The following SMYD3 variants were observed in gnomAD, a reference collection of about 807,000 sequenced individuals.
SMYD3 encodes the protein SET and MYND domain containing 3, also known as histone-lysine N-methyltransferase SMYD3.
Under a neutral mutation model 57.7 loss-of-function variants are expected in SMYD3, and 36 were observed. The ratio of observed to expected loss-of-function variants is 0.62; its 90% CI spans 0.48 to 0.82. SMYD3 has a LOEUF of 0.82. SMYD3 is among the 40% of genes least tolerant of loss of function. SMYD3 has a pLI of 0.00. For synonymous variants in SMYD3, 211 were observed against 195.0 expected, an observed-to-expected ratio of 1.08 and a Z score of -0.68; for missense variants, 515 against 538.8, an observed-to-expected ratio of 0.96 and a Z score of 0.44.
At chr1:246,489,698 T>C (rs2068240131) in intron 1 of SMYD3, among the ~76,000 whole-genome samples, 4 of 152,208 alleles carry the variant, frequency 2.6e-5, no homozygotes, top group African/African-American at 7.2e-5. Context: ...AAGGCCAATA[T>C]TGAAAGTTAT....
chr1:245,832,739 G>C (rs1242551358), intron 10 of SMYD3, among the ~76,000 whole-genome samples: 1 of 152,044 alleles, frequency 6.6e-6, no homozygotes, highest in East Asian at 1.9e-4. Context: ...TATGATCTTG[G>C]TCTCCTTTGT....
chr1:245,917,918 G>A (rs1383377742), intron 7 of SMYD3, among the ~76,000 whole-genome samples: 1 of 152,168 alleles, frequency 6.6e-6, no homozygotes, highest in East Asian at 1.9e-4. Flanking sequence ...AGCATCTCAT[G>A]TCTACAAAGC....
chr1:245,844,059 C>T (rs1248721833), intron 10 of SMYD3, among the ~76,000 whole-genome samples: 1 of 152,126 alleles, frequency 6.6e-6, no homozygotes, highest in Non-Finnish European at 1.5e-5. Context: ...ATGTGTCTTT[C>T]CTCAATTCCA....
Position 246,217,677 on chromosome 1 carries a change from T to C in SMYD3, c.531+109524A>G, listed in dbSNP as rs567261285. ...TTAAGATGTTTAAAGGAATAAGAGA[T>C]TGAAAATATGAGGAAGGATAAAGAA... On this transcript the variant is annotated intron_variant, in intron 5 of 11. Transcript: ENST00000490107. Among the ~76,000 whole-genome samples, 57 of 152,116 alleles carry C rather than the reference T, an allele frequency of 3.7e-4. 1 individual carries two copies. Among genetic ancestry groups the C allele is most frequent in the African/African-American group, 1.3e-3 (52 of 41,468 alleles).
intron 1 of SMYD3, among the ~76,000 whole-genome samples, chr1:246,427,848 T>C (rs115644615): frequency 0.045 from 6,904 of 152,210 alleles, 212 homozygotes; most frequent in Middle Eastern, 0.17. Context: ...AGTGAGATCT[T>C]GTCTCAAGAG....
intron 5 of SMYD3, chr1:246,108,511 T>C (rs994822352): frequency 2.0e-5 from 3 of 152,202 alleles, no homozygotes; most frequent in Non-Finnish European, 4.4e-5. Flanking sequence ...ACTATTTAAA[T>C]ATCATACAAA....
At chr1:245,992,452 A>T (rs1256295554) in intron 5 of SMYD3, among the ~76,000 whole-genome samples, 1 of 152,272 alleles carries the variant, frequency 6.6e-6, no homozygotes, top group Non-Finnish European at 1.5e-5. Flanking sequence ...AAACATTTCA[A>T]CAAAGGAGCC....
chr1:245,816,993 C>T (rs983059525), intron 10 of SMYD3, among the ~76,000 whole-genome samples: 1 of 151,576 alleles, frequency 6.6e-6, no homozygotes, highest in Non-Finnish European at 1.5e-5. Context: ...ATTGCCCAGG[C>T]TTGCTTAGGT....
chr1:246,371,692 T>C (rs964562037), intron 1 of SMYD3, among the ~76,000 whole-genome samples: 3 of 152,244 alleles, frequency 2.0e-5, no homozygotes, highest in Non-Finnish European at 4.4e-5. Context: ...TGGCAACAGA[T>C]GCCCACCTTG....
intron 8 of SMYD3, among the ~76,000 whole-genome samples, chr1:245,877,097 C>T (rs1318356885): frequency 2.6e-5 from 4 of 152,306 alleles, no homozygotes; most frequent in South Asian, 2.1e-4. Flanking sequence ...GGGGAGGCCA[C>T]GCTGTTGGGT....
intron 9 of SMYD3, among the ~76,000 whole-genome samples, chr1:245,860,244 A>T (rs1344897365): frequency 6.6e-6 from 1 of 151,886 alleles, no homozygotes; most frequent in Non-Finnish European, 1.5e-5. Flanking sequence ...CCCAATTCAA[A>T]ACCCTCTTCA....
At chr1:245,909,179 G>A (rs1034651667) in intron 8 of SMYD3, among the ~76,000 whole-genome samples, 1 of 152,040 alleles carries the variant, frequency 6.6e-6, no homozygotes, top group African/African-American at 2.4e-5. Flanking sequence ...AGCAACAACT[G>A]TATGCCAATA....
intron 5 of SMYD3, among the ~76,000 whole-genome samples, chr1:245,933,526 CATTGAGCCTCTGTATTTTATA>C (rs2056840825): frequency 6.6e-6 from 1 of 152,084 alleles, no homozygotes; most frequent in Admixed American, 6.5e-5. Context: ...AGTGAGTTGT[CATTGAGCCTCTGTATTTTATA>C]AAAACAACTA....
chr1:246,149,284 C>T (rs1469129110), intron 5 of SMYD3, among the ~76,000 whole-genome samples: 1 of 152,296 alleles, frequency 6.6e-6, no homozygotes, highest in East Asian at 1.9e-4. Context: ...GTCTGAGACA[C>T]CTAGCTAATG....
chr1:246,261,295 G>A (rs1006297649), intron 5 of SMYD3, among the ~76,000 whole-genome samples: 9 of 150,936 alleles, frequency 6.0e-5, no homozygotes, highest in African/African-American at 2.2e-4. Flanking sequence ...CTGACCTCAG[G>A]ATCCACCCTC....
intron 10 of SMYD3, among the ~76,000 whole-genome samples, chr1:245,765,818 C>G (rs1259557266): frequency 6.6e-6 from 1 of 152,138 alleles, no homozygotes; most frequent in African/African-American, 2.4e-5. Context: ...TCACGCAGGG[C>G]CTGCCATGTG....
rs188532442 is a variant in SMYD3, at chr1:246,035,047, G to A, written c.532-105110C>T. ...GAGGAAAGCCTGTGGCACAGCAAACGTCTCCCCAGCCTCCCACCTGACCCT... is the reference window on the plus strand; with the variant it reads ...GAGGAAAGCCTGTGGCACAGCAAACATCTCCCCAGCCTCCCACCTGACCCT... On this transcript the variant is annotated intron_variant, in intron 5 of 11. Transcript: ENST00000490107. 9.9e-4 allele frequency among the ~76,000 whole-genome samples: 151 copies of A among 152,208 alleles called. No homozygotes were observed. The South Asian group carries it at 0.014, about 14-fold the overall frequency.
At chr1:246,349,615 A>AT (rs1000596465) in intron 2 of SMYD3, among the ~76,000 whole-genome samples, 45 of 149,624 alleles carry the variant, frequency 3.0e-4, no homozygotes, top group African/African-American at 1.0e-3. Context: ...TTCTAAAACA[A>AT]TTTTTTTTAA....
At chr1:246,049,813 A>T (rs2060036490) in intron 5 of SMYD3, among the ~76,000 whole-genome samples, 1 of 152,200 alleles carries the variant, frequency 6.6e-6, no homozygotes, top group South Asian at 2.1e-4. Flanking sequence ...ACACCTACTC[A>T]GTGGCTCACA....
Sources: gnomAD v4.1 joint callset for allele counts (sites outside exome capture counted in the v4.1 genomes callset) on GRCh38, gnomAD v4.1.1 for gene constraint, MANE v1.5 for transcripts, NCBI Gene and HGNC (gene_info 2026-07-23, HGNC 2026-07-21) for gene names.